The following TSHR variants were observed in gnomAD, a reference collection of about 807,000 sequenced individuals.
TSHR encodes the protein thyrotropin receptor.
In TSHR, 51 loss-of-function variants were observed where a neutral mutation model predicts 64.1. That is an observed-to-expected ratio of 0.80 (90% CI 0.64 to 1.01). The LOEUF (loss-of-function observed/expected upper bound fraction) is 1.01, where lower values mean the gene tolerates loss of function less well. Ranked by LOEUF, TSHR falls within the 50% of genes least tolerant of loss-of-function variation. The pLI is 0.00. For missense variants in TSHR, 877 were observed against 942.8 expected, an observed-to-expected ratio of 0.93 and a Z score of 0.91; for synonymous variants, 361 against 361.9, an observed-to-expected ratio of 1.00 and a Z score of 0.03.
chr14:81,043,524 A>G (rs1222926363), intron 1 of TSHR, among the ~76,000 whole-genome samples: 1 of 152,252 alleles, frequency 6.6e-6, no homozygotes, highest in South Asian at 2.1e-4. Context: ...AGTAATTTAT[A>G]GATTCAATGC....
chr14:81,059,561 T>C (rs922299159), intron 1 of TSHR, among the ~76,000 whole-genome samples: 1 of 152,200 alleles, frequency 6.6e-6, no homozygotes, highest in African/African-American at 2.4e-5. Context: ...ATCAGTATTT[T>C]GTCCCAGCGT....
chr14:81,016,140 A>G (rs1427739027), intron 1 of TSHR, among the ~76,000 whole-genome samples: 4 of 152,180 alleles, frequency 2.6e-5, no homozygotes, highest in Non-Finnish European at 5.9e-5. Flanking sequence ...ATATATGCCC[A>G]TAAGAGGGAT....
rs60958301 is a variant in TSHR, at chr14:81,070,625, C to CAA, written c.317+2322_317+2323dup. Among the ~76,000 whole-genome samples the CAA allele has an allele frequency of 2.6e-3, 41 of 15,820 alleles. 6 individuals are homozygous for CAA. The highest frequency in any genetic ancestry group is 7.6e-3 in the South Asian group (2 of 262). The allele number at this position is 15,820 out of a possible 152,430, so 10.4% of individuals were successfully genotyped here. ...TGGGCAACAGAGTAAGATTCCATCT[C>CAA]AAAAAAAAAAAAAAAAAAAAAAAAA... On this transcript the variant is annotated intron_variant, in intron 3 of 9. Transcript: ENST00000298171.
chr14:81,124,285 G>A (rs147969566), intron 8 of TSHR, among the ~76,000 whole-genome samples: 296 of 151,470 alleles, frequency 2.0e-3, no homozygotes, highest in Non-Finnish European at 3.1e-3. Flanking sequence ...GAAAATTTGT[G>A]GCAGAGTCCT....
rs887541689 is a variant in TSHR at position 80,999,926 on chromosome 14, C to CTTTTTTT, written c.170+44078_170+44084dup. Among the ~76,000 whole-genome samples, 97 of 142,874 alleles carry CTTTTTTT rather than the reference C, an allele frequency of 6.8e-4. 3 individuals carry two copies. The highest frequency in any genetic ancestry group is 2.0e-3 in the East Asian group (9 of 4,496). The allele number at this position is 142,874 out of a possible 152,430, so 93.7% of individuals were successfully genotyped here. A position where few individuals can be genotyped will look rare whatever the true frequency, so the allele number is the denominator to read the frequency against. The stretch of plus-strand genomic sequence containing the variant: ...TGGGGAAGACTACCAAATTTTTTTT[C>CTTTTTTT]TTTTTTTTCTTTTTTTTTTTTTTGA... On this transcript the variant is annotated intron_variant, in intron 1 of 9. Transcript: ENST00000298171.
chr14:81,119,848 C>A (rs1433416421), intron 8 of TSHR, among the ~76,000 whole-genome samples: 1 of 68,338 alleles, frequency 1.5e-5, no homozygotes. Flanking sequence ...TCTATGCAGC[C>A]ATAAAAAATG....
intron 3 of TSHR, 168 bp from the exon 4 acceptor site, chr14:81,087,786 A>G: frequency 1.5e-6 from 1 of 689,146 alleles, no homozygotes; most frequent in Non-Finnish European, 2.7e-6. Flanking sequence ...AGACAGGAGT[A>G]GTTTGTCATT....
chr14:80,982,337 C>A, intron 1 of TSHR: 1 of 1,221,232 alleles, frequency 8.2e-7, no homozygotes. Context: ...GAGGAAGAGG[C>A]CACTATCAAT....
chr14:80,987,788 C>A (rs527865144), intron 1 of TSHR, among the ~76,000 whole-genome samples: 2 of 152,304 alleles, frequency 1.3e-5, no homozygotes, highest in Middle Eastern at 3.4e-3. Flanking sequence ...AGACTGACTT[C>A]TGCTGCCTCC....
At chr14:81,096,301 G>T (rs1360812096) in intron 6 of TSHR, among the ~76,000 whole-genome samples, 1 of 152,094 alleles carries the variant, frequency 6.6e-6, no homozygotes, top group East Asian at 1.9e-4. Flanking sequence ...TATTGACATT[G>T]GGTTAACTAT....
chr14:81,065,248 A>T (rs1190159578), intron 2 of TSHR, among the ~76,000 whole-genome samples: 1 of 152,092 alleles, frequency 6.6e-6, no homozygotes, highest in Non-Finnish European at 1.5e-5. Context: ...GGGCACAGGC[A>T]GTTGAAGGTT....
intron 1 of TSHR, among the ~76,000 whole-genome samples, chr14:81,006,734 G>C (rs12185020): frequency 0.72 from 109,628 of 151,784 alleles, 39,937 homozygotes; most frequent in South Asian, 0.79. Context: ...AGGATGGTCT[G>C]CATCTCCTGA....
At chr14:81,079,249 C>G (rs1887719734) in intron 3 of TSHR, among the ~76,000 whole-genome samples, 1 of 152,128 alleles carries the variant, frequency 6.6e-6, no homozygotes, top group Non-Finnish European at 1.5e-5. Flanking sequence ...TGTACTTTCT[C>G]TATAAGAAAG....
intron 1 of TSHR, among the ~76,000 whole-genome samples, chr14:81,030,257 A>T (rs374440838): frequency 2.4e-4 from 36 of 150,886 alleles, no homozygotes; most frequent in African/African-American, 7.3e-4. Context: ...AACAGAATTT[A>T]AAAATGAACC....
At chr14:80,981,838 G>A (rs942953905) in intron 1 of TSHR, 1 of 168,846 alleles carries the variant, frequency 5.9e-6, no homozygotes, top group African/African-American at 2.4e-5. Flanking sequence ...TGTTTGGCAA[G>A]AGAACATAGT....
intron 8 of TSHR, among the ~76,000 whole-genome samples, chr14:81,112,808 A>G (rs1161456705): frequency 6.6e-6 from 1 of 152,242 alleles, no homozygotes; most frequent in African/African-American, 2.4e-5. Context: ...AGAGCATTTT[A>G]GACAAGTGCA....
At chr14:81,051,747 G>A (rs1885444607) in intron 1 of TSHR, 1 of 152,104 alleles carries the variant, frequency 6.6e-6, no homozygotes, top group South Asian at 2.1e-4. Context: ...GGTGCAGGGT[G>A]ATGTCTCATT....
intron 8 of TSHR, among the ~76,000 whole-genome samples, chr14:81,112,470 T>C (rs1199996774): frequency 1.3e-5 from 2 of 152,144 alleles, no homozygotes; most frequent in Non-Finnish European, 2.9e-5. Context: ...CTCACAAGTA[T>C]CATGAGAATG....
chr14:81,096,173 A>T (rs896692911), intron 6 of TSHR, among the ~76,000 whole-genome samples: 2 of 152,216 alleles, frequency 1.3e-5, no homozygotes, highest in African/African-American at 4.8e-5. Context: ...GGATAAAAAG[A>T]TGGATAAAAT....
Sources: allele counts gnomAD v4.1 joint callset (sites outside exome capture counted in the v4.1 genomes callset), GRCh38; gene constraint gnomAD v4.1.1; transcripts MANE v1.5; gene names NCBI Gene and HGNC (gene_info 2026-07-23, HGNC 2026-07-21).